LRRC37A2: variants seen among roughly 807,000 people sequenced by gnomAD.
LRRC37A2 encodes the protein leucine rich repeat containing 37 member A2.
Under a neutral mutation model 68.8 loss-of-function variants are expected in LRRC37A2, and 9 were observed. The ratio of observed to expected loss-of-function variants is 0.13; its 90% CI spans 0.08 to 0.23. The LOEUF is 0.23. Ranked by LOEUF, LRRC37A2 falls within the 10% of genes least tolerant of loss-of-function variation. The probability of loss-of-function intolerance (pLI) is 1.00; values close to 1 mark genes in which losing one functional copy is unlikely to be tolerated. For synonymous variants in LRRC37A2, 63 were observed against 367.6 expected, an observed-to-expected ratio of 0.17 and a Z score of 9.48; for missense variants, 168 against 950.4, an observed-to-expected ratio of 0.18 and a Z score of 10.82.
the LRRC37A2 span, chr17:46,978,629 C>T: frequency 6.4e-7 from 1 of 1,574,378 alleles, no homozygotes; most frequent in Non-Finnish European, 8.6e-7. Flanking sequence ...CTGGCGAGGG[C>T]GGACCCAGAT....
chr17:46,716,487 G>C, the LRRC37A2 span, among the ~76,000 whole-genome samples: 4 of 152,098 alleles, frequency 2.6e-5, no homozygotes, highest in African/African-American at 9.7e-5. Flanking sequence ...TTGATCTCCT[G>C]ACCTCATGAT....
At chr17:46,950,340 G>A in the LRRC37A2 span, among the ~76,000 whole-genome samples, 1 of 152,310 alleles carries the variant, frequency 6.6e-6, no homozygotes, top group Non-Finnish European at 1.5e-5. Context: ...AGGTGGCAGA[G>A]GCAAGTGAAA....
chr17:46,955,554 G>C, the LRRC37A2 span: 1 of 152,122 alleles, frequency 6.6e-6, no homozygotes, highest in African/African-American at 2.4e-5. Context: ...GAAAAGACTT[G>C]ACATCTAAAC....
chr17:46,751,625 C>G, the LRRC37A2 span: 1 of 1,563,360 alleles, frequency 6.4e-7, no homozygotes, highest in African/African-American at 1.3e-5. Flanking sequence ...AGGTAAGGTA[C>G]TTCGTTCTCC....
the LRRC37A2 span, among the ~76,000 whole-genome samples, chr17:46,958,687 C>A: frequency 6.6e-6 from 1 of 152,212 alleles, no homozygotes; most frequent in African/African-American, 2.4e-5. Context: ...CAAGAGTTCT[C>A]CCTAGCCTCC....
At chr17:46,775,255 G>C in the LRRC37A2 span, among the ~76,000 whole-genome samples, 1 of 152,244 alleles carries the variant, frequency 6.6e-6, no homozygotes, top group Non-Finnish European at 1.5e-5. Context: ...GAGGTTTAGA[G>C]AGTGAATTAG....
At chr17:46,725,425 TTGACC>T in the LRRC37A2 span, among the ~76,000 whole-genome samples, 1 of 152,028 alleles carries the variant, frequency 6.6e-6, no homozygotes, top group African/African-American at 2.4e-5. Flanking sequence ...ACCAGAGGGG[TTGACC>T]TGATTAAATA....
At chr17:46,979,015 C>T in the LRRC37A2 span, 1 of 1,399,138 alleles carries the variant, frequency 7.1e-7, no homozygotes, top group Non-Finnish European at 9.2e-7. Flanking sequence ...CATCGCCGCG[C>T]GGCGCCGGGG....
chr17:47,035,362 CTT>C, the LRRC37A2 span, among the ~76,000 whole-genome samples: 1 of 152,200 alleles, frequency 6.6e-6, no homozygotes, highest in Non-Finnish European at 1.5e-5. Flanking sequence ...TACTAATCTA[CTT>C]TGAGTCCCTA....
the LRRC37A2 span, among the ~76,000 whole-genome samples, chr17:46,985,561 G>A: frequency 6.6e-6 from 1 of 151,966 alleles, no homozygotes; most frequent in African/African-American, 2.4e-5. Flanking sequence ...TGCCTTGCAG[G>A]TTGGGTGTCT....
the LRRC37A2 span, chr17:46,931,660 A>ACCCCC: frequency 3.4e-6 from 1 of 297,112 alleles, no homozygotes; most frequent in Non-Finnish European, 6.1e-6. Context: ...TGCCACCTCC[A>ACCCCC]CCCCCAGCGC....
the LRRC37A2 span, among the ~76,000 whole-genome samples, chr17:46,943,303 A>C: frequency 6.6e-6 from 1 of 152,146 alleles, no homozygotes; most frequent in Non-Finnish European, 1.5e-5. Context: ...CTCTCTGCTG[A>C]GTAAAGCACC....
At chr17:46,842,362 C>T in the LRRC37A2 span, among the ~76,000 whole-genome samples, 1 of 152,090 alleles carries the variant, frequency 6.6e-6, no homozygotes, top group Non-Finnish European at 1.5e-5. Flanking sequence ...TTACAGTTAG[C>T]TTTAAATCTT....
the LRRC37A2 span, chr17:46,728,844 T>C: frequency 1.9e-6 from 3 of 1,582,778 alleles, no homozygotes; most frequent in Non-Finnish European, 2.6e-6. Context: ...ATAATAATGT[T>C]TCTTTTCCAG....
chr17:46,939,796 G>T, the LRRC37A2 span: 1 of 987,126 alleles, frequency 1.0e-6, no homozygotes, highest in Non-Finnish European at 1.2e-6. Flanking sequence ...GACCAGCCCC[G>T]GATTCAGGCT....
chr17:46,937,507 T>C, the LRRC37A2 span: 3 of 152,180 alleles, frequency 2.0e-5, no homozygotes, highest in Non-Finnish European at 2.9e-5. Flanking sequence ...ATTTGGGCAA[T>C]TGTATCAGCC....
chr17:46,876,254 A>T, the LRRC37A2 span: 1 of 1,607,712 alleles, frequency 6.2e-7, no homozygotes, highest in African/African-American at 1.3e-5. Flanking sequence ...GGCTGTGAAG[A>T]GTGGCCTCAG....
chr17:46,848,100 T>C, the LRRC37A2 span, among the ~76,000 whole-genome samples: 7 of 152,132 alleles, frequency 4.6e-5, no homozygotes, highest in East Asian at 1.4e-3. Context: ...TATCCAAGAA[T>C]GCTTCTCTTG....
the LRRC37A2 span, among the ~76,000 whole-genome samples, chr17:46,900,845 A>G: frequency 6.9e-4 from 105 of 152,332 alleles, 1 homozygote; most frequent in African/African-American, 2.5e-3. Flanking sequence ...CACCATCTAC[A>G]AGCCAAGCTC....
Sources: allele counts gnomAD v4.1 joint callset (sites outside exome capture counted in the v4.1 genomes callset), GRCh38; gene constraint gnomAD v4.1.1; transcripts MANE v1.5; gene names NCBI Gene and HGNC (gene_info 2026-07-23, HGNC 2026-07-21).